Variants in GRIK2 observed in about 807,000 individuals in gnomAD.
GRIK2 encodes the protein glutamate receptor ionotropic, kainate 2.
A neutral mutation model predicts 100.3 loss-of-function variants in GRIK2; 32 were observed. The observed-to-expected ratio is 0.32, with a 90% CI of 0.24 to 0.43. The LOEUF (loss-of-function observed/expected upper bound fraction) is 0.43. Ranked by LOEUF, GRIK2 falls within the 20% of genes least tolerant of loss-of-function variation. The probability of loss-of-function intolerance (pLI) is 1.00; values close to 1 mark genes in which losing one functional copy is unlikely to be tolerated. For synonymous variants in GRIK2, 417 were observed against 389.4 expected, an observed-to-expected ratio of 1.07 and a Z score of -0.83; for missense variants, 843 against 1,114.9, an observed-to-expected ratio of 0.76 and a Z score of 3.47.
intron 2 of GRIK2, among the ~76,000 whole-genome samples, chr6:101,518,034 T>C (rs1774675149): frequency 6.6e-6 from 1 of 152,134 alleles, no homozygotes; most frequent in Non-Finnish European, 1.5e-5. Context: ...TTAAAGCTAA[T>C]CTTTTTTAAA....
chr6:102,019,253 G>C (rs62423087), intron 14 of GRIK2, among the ~76,000 whole-genome samples: 320 of 152,096 alleles, frequency 2.1e-3, no homozygotes, highest in Middle Eastern at 3.4e-3. Context: ...TCTTTTAGAT[G>C]GATGGTGTTA....
chr6:101,607,713 G>C (rs1318928383), intron 2 of GRIK2, among the ~76,000 whole-genome samples: 1 of 152,050 alleles, frequency 6.6e-6, no homozygotes, highest in East Asian at 1.9e-4. Context: ...ATATTTCACA[G>C]TAGTTCTTTG....
At chr6:101,673,830 G>A (rs1770618911) in intron 4 of GRIK2, among the ~76,000 whole-genome samples, 1 of 152,024 alleles carries the variant, frequency 6.6e-6, no homozygotes, top group Admixed American at 6.6e-5. Flanking sequence ...TGTATGCACA[G>A]AAACTTCATC....
At chr6:101,595,688 G>GTATTA (rs1554225939) in intron 2 of GRIK2, among the ~76,000 whole-genome samples, 1 of 130,844 alleles carries the variant, frequency 7.6e-6, no homozygotes, top group African/African-American at 2.9e-5. Flanking sequence ...ATTTGTGCAT[G>GTATTA]TATATATATA....
At chr6:101,646,844 G>C (rs1781546547) in intron 4 of GRIK2, among the ~76,000 whole-genome samples, 1 of 151,896 alleles carries the variant, frequency 6.6e-6, no homozygotes, top group East Asian at 1.9e-4. Context: ...GGAAAGGAGA[G>C]ATGAACAGAG....
rs1380309686 is a variant in GRIK2 at position 101,409,849 on chromosome 6, A to T, written c.115+10457A>T. 2.0e-5 allele frequency among the ~76,000 whole-genome samples: 3 copies of T among 152,210 alleles called. No homozygotes were observed. The East Asian group carries it at 5.8e-4, about 29-fold the overall frequency. The stretch of plus-strand genomic sequence containing the variant: ...GTATGTGTGGAATAAAATAATATTT[A>T]TTATCACTCATGAATATTGTATCTA... On this transcript the variant is annotated intron_variant, in intron 2 of 16. Coordinates refer to ENST00000369134, the MANE Select transcript of GRIK2 (RefSeq NM_021956.5).
chr6:101,663,518 A>C (rs1769790589), intron 4 of GRIK2, among the ~76,000 whole-genome samples: 1 of 152,162 alleles, frequency 6.6e-6, no homozygotes, highest in Non-Finnish European at 1.5e-5. Context: ...GAAGTAGGAG[A>C]AGAAATATAC....
chr6:101,736,145 C>T (rs1483901365), intron 7 of GRIK2, among the ~76,000 whole-genome samples: 1 of 152,178 alleles, frequency 6.6e-6, no homozygotes, highest in Non-Finnish European at 1.5e-5. Context: ...GGTAGCTCTG[C>T]CCCTGTGGCT....
chr6:101,503,516 C>T (rs1335671385), intron 2 of GRIK2, among the ~76,000 whole-genome samples: 1 of 152,070 alleles, frequency 6.6e-6, no homozygotes, highest in African/African-American at 2.4e-5. Context: ...AAATCAATTC[C>T]ATTCCTTAGG....
chr6:101,872,918 T>C (rs1021106796), intron 11 of GRIK2, among the ~76,000 whole-genome samples: 2 of 151,844 alleles, frequency 1.3e-5, no homozygotes, highest in Non-Finnish European at 2.9e-5. Context: ...GAGAAAAACA[T>C]TGAACATATT....
intron 14 of GRIK2, among the ~76,000 whole-genome samples, chr6:101,965,550 G>A (rs1442862571): frequency 6.6e-6 from 1 of 152,016 alleles, no homozygotes; most frequent in African/African-American, 2.4e-5. Flanking sequence ...AAAAAGTAAT[G>A]TTTATTTTTG....
At chr6:101,755,285 G>C (rs1777066682) in intron 7 of GRIK2, among the ~76,000 whole-genome samples, 1 of 146,138 alleles carries the variant, frequency 6.8e-6, no homozygotes, top group African/African-American at 2.5e-5. Context: ...TCCTGCATCA[G>C]CCTCCCGAGT....
chr6:101,764,843 A>C (rs9498692), intron 7 of GRIK2, among the ~76,000 whole-genome samples: 1 of 152,080 alleles, frequency 6.6e-6, no homozygotes, highest in Non-Finnish European at 1.5e-5. Context: ...ACACTTTAAT[A>C]TCTTCCACTC....
At chr6:101,649,515 A>C (rs1450796399) in intron 4 of GRIK2, among the ~76,000 whole-genome samples, 1 of 152,074 alleles carries the variant, frequency 6.6e-6, no homozygotes, top group Admixed American at 6.6e-5. Context: ...TACATCATAG[A>C]GATGTTTACT....
At chr6:101,938,325 C>T (rs955315507) in intron 14 of GRIK2, among the ~76,000 whole-genome samples, 1 of 152,062 alleles carries the variant, frequency 6.6e-6, no homozygotes, top group Non-Finnish European at 1.5e-5. Context: ...GGATGAAGCA[C>T]AGTTTATAAA....
At chr6:101,506,566 T>C (rs1774035577) in intron 2 of GRIK2, among the ~76,000 whole-genome samples, 1 of 152,126 alleles carries the variant, frequency 6.6e-6, no homozygotes, top group Non-Finnish European at 1.5e-5. Flanking sequence ...ATGATCAGAG[T>C]TCCATGAAAA....
At chr6:101,686,983 T>C (rs946332426) in intron 7 of GRIK2, among the ~76,000 whole-genome samples, 2 of 152,116 alleles carry the variant, frequency 1.3e-5, no homozygotes. Flanking sequence ...TGGCAAGGCA[T>C]ACATAATTTT....
chr6:102,030,581 G>A (rs959967877), intron 14 of GRIK2, among the ~76,000 whole-genome samples: 1 of 151,016 alleles, frequency 6.6e-6, no homozygotes. Flanking sequence ...AGTTTTCATT[G>A]TTTGTAGTTT....
At chr6:101,790,047 C>G (rs1247457500) in intron 7 of GRIK2, among the ~76,000 whole-genome samples, 1 of 152,238 alleles carries the variant, frequency 6.6e-6, no homozygotes, top group South Asian at 2.1e-4. Flanking sequence ...GATTTTTGTA[C>G]ATTGATTTTG....
Sources: allele counts gnomAD v4.1 joint callset (sites outside exome capture counted in the v4.1 genomes callset), GRCh38; gene constraint gnomAD v4.1.1; transcripts MANE v1.5; gene names NCBI Gene and HGNC (gene_info 2026-07-23, HGNC 2026-07-21).